MET: variants seen among roughly 807,000 people sequenced by gnomAD.
The protein encoded by MET is hepatocyte growth factor receptor.
In MET, 48 loss-of-function variants were observed where a neutral mutation model predicts 133.1. That is an observed-to-expected ratio of 0.36 (90% confidence interval 0.29 to 0.46). The LOEUF (loss-of-function observed/expected upper bound fraction) is 0.46. Ranked by LOEUF, MET falls within the 20% of genes least tolerant of loss-of-function variation. The pLI, the probability that MET is intolerant of heterozygous loss-of-function variation, is 1.00. For synonymous variants in MET, 628 were observed against 616.5 expected (o/e 1.02, Z -0.28); for missense variants, 1,442 against 1,695.9 (o/e 0.85, Z 2.63).
At position 116,700,292 on chromosome 7, in the gene MET, A is replaced by G. The variant is rs879254331; in HGVS notation, c.1200+8A>G. 1.1e-5 allele frequency: 17 copies of G among 1,600,766 alleles called. No individual in the cohort carries two copies. The highest frequency in any genetic ancestry group is 1.4e-5 in the Non-Finnish European group (17 of 1,178,720). ...GAGCACTGCTTTAATAGGGTAAGTC[A>G]CATCAGTTCCCCACTTATAAACTGT... On this transcript the variant is annotated splice_region_variant and intron_variant, in intron 2 of 20. Coordinates refer to ENST00000397752, the MANE Select transcript of MET (RefSeq NM_000245.4).
At chr7:116,743,904 G>A (rs546264111) in intron 5 of MET, among the ~76,000 whole-genome samples, 1 of 152,306 alleles carries the variant, frequency 6.6e-6, no homozygotes, top group East Asian at 1.9e-4. Context: ...AGGGTCTGGA[G>A]TGGACCTCCA....
intron 2 of MET, among the ~76,000 whole-genome samples, chr7:116,702,898 C>A (rs756396862): frequency 6.6e-6 from 1 of 152,038 alleles, no homozygotes; most frequent in Non-Finnish European, 1.5e-5. Context: ...CAGGGACGGG[C>A]CTTTTACATT....
rs191860708 is a variant in MET at position 116,765,477 on chromosome 7, A to G, written c.2583+2209A>G. On this transcript the variant is annotated intron_variant, in intron 11 of 20. Coordinates refer to ENST00000397752, the MANE Select transcript of MET (RefSeq NM_000245.4). ...CCTGCCCTAGTTGTGAGAGTCCCTC[A>G]ATTCATAGTAAGCCCAGTGACTACA... Among the ~76,000 whole-genome samples the G allele has an allele frequency of 3.6e-4, 55 of 151,980 alleles. No individual in the cohort carries two copies. In the East Asian group the frequency reaches 5.7e-3, roughly 16 times the overall value.
intron 5 of MET, among the ~76,000 whole-genome samples, chr7:116,748,601 A>G (rs1196960071): frequency 6.6e-6 from 1 of 152,224 alleles, no homozygotes; most frequent in Non-Finnish European, 1.5e-5. Context: ...AAAAGCTAAC[A>G]GAAGACAAGA....
At chr7:116,711,612 T>C (rs547143978) in intron 2 of MET, among the ~76,000 whole-genome samples, 79 of 152,246 alleles carry the variant, frequency 5.2e-4, no homozygotes, top group Non-Finnish European at 5.0e-4. Context: ...AATTGTATAT[T>C]ATCATTCCAG....
At position 116,796,600 on chromosome 7, in the gene MET, G is replaced by T; in HGVS notation, c.*476G>T. Reference sequence around the variant, plus strand: ...GTCAATAACATTTTTCATTACTGATGGTGTCATTCACCCATTAGGTAAACA... The same window carrying T: ...GTCAATAACATTTTTCATTACTGATTGTGTCATTCACCCATTAGGTAAACA... On this transcript the variant is annotated 3_prime_UTR_variant, in exon 21 of 21. Coordinates refer to ENST00000397752, the MANE Select transcript of MET (RefSeq NM_000245.4). 2 of 291,540 alleles carry T rather than the reference G, an allele frequency of 6.9e-6. No individual in the cohort carries two copies. Among genetic ancestry groups the T allele is most frequent in the Non-Finnish European group, 1.3e-5 (2 of 153,392 alleles). The allele number at this position is 291,540 out of a possible 1,614,324, so 18.1% of individuals were successfully genotyped here.
chr7:116,747,627 A>T (rs1584930551), intron 5 of MET, among the ~76,000 whole-genome samples: 1 of 152,216 alleles, frequency 6.6e-6, no homozygotes, highest in Non-Finnish European at 1.5e-5. Context: ...TTCGTAAAGC[A>T]AGTCCTTAGA....
At chr7:116,773,559 G>T (rs570860788) in intron 14 of MET, among the ~76,000 whole-genome samples, 82 of 152,318 alleles carry the variant, frequency 5.4e-4, no homozygotes, top group African/African-American at 1.8e-3. Flanking sequence ...TAGAGAGGCT[G>T]ATTGGCATTC....
chr7:116,748,390 A>T (rs1793778108), intron 5 of MET, among the ~76,000 whole-genome samples: 1 of 152,276 alleles, frequency 6.6e-6, no homozygotes. Flanking sequence ...AATGAAATTA[A>T]GGCAGAAATA....
intron 11 of MET, among the ~76,000 whole-genome samples, chr7:116,766,627 TC>T (rs1325441629): frequency 6.6e-6 from 1 of 152,198 alleles, no homozygotes; most frequent in Non-Finnish European, 1.5e-5. Flanking sequence ...GGTTCTTTTT[TC>T]AGAGGTTATT....
At position 116,699,168 on chromosome 7, in the gene MET, G is replaced by A. The variant is rs759602956; in HGVS notation, c.84G>A (p.Glu28=). 3 of 1,613,814 alleles carry A rather than the reference G, an allele frequency of 1.9e-6. No individual in the cohort carries two copies. The highest frequency in any genetic ancestry group is 1.1e-5 in the South Asian group (1 of 91,080). The change falls in exon 2 of 21, where the codon GAG becomes GAA. Residue 28 remains glutamate, a synonymous_variant. Coordinates refer to ENST00000397752, the MANE Select transcript of MET (RefSeq NM_000245.4). ...AGAGGAGCAATGGGGAGTGTAAAGA[G>A]GCACTAGCAAAGTCCGAGATGAATG... is the stretch of plus-strand genomic sequence containing the variant. ...LVQRSNGECK[E]ALAKSEMNVN...
intron 19 of MET, among the ~76,000 whole-genome samples, chr7:116,786,866 C>T (rs1795331352): frequency 6.6e-6 from 1 of 152,152 alleles, no homozygotes; most frequent in Admixed American, 6.5e-5. Context: ...CTGAGTGTGG[C>T]ATGGGAAGCA....
chr7:116,731,811 A>T lies in MET; in HGVS notation c.1344A>T (p.Gly448=), dbSNP rs2116783133. The T allele has an allele frequency of 6.2e-7, 1 of 1,614,142 alleles. No individual in the cohort carries two copies. Among genetic ancestry groups the T allele is most frequent in the Non-Finnish European group, 8.5e-7 (1 of 1,179,982 alleles). Residue 448 remains glycine (G), a synonymous_variant, in exon 3 of 21, where the codon GGA becomes GGT. Transcript: ENST00000397752. The part of the protein sequence containing the change: ...LLTSISTFIK[G]DLTIANLGTS... ...CATCTATATCCACCTTCATTAAAGG[A>T]GACCTCACCATAGCTAATCTTGGGA... is the stretch of plus-strand genomic sequence containing the variant.
intron 6 of MET, among the ~76,000 whole-genome samples, chr7:116,756,358 C>G (rs181075269): frequency 6.6e-6 from 1 of 152,126 alleles, no homozygotes; most frequent in Non-Finnish European, 1.5e-5. Context: ...CCCATTCTAT[C>G]AGGTGGTTAT....
At chr7:116,754,983 GGAAA>G (rs10674901) in intron 5 of MET, among the ~76,000 whole-genome samples, 1,711 of 78,698 alleles carry the variant, frequency 0.022, 23 homozygotes, top group African/African-American at 0.038. Flanking sequence ...AGCAGAGAAA[GGAAA>G]GAAAGAAAGA....
chr7:116,683,868 G>A (rs563595596), intron 1 of MET, among the ~76,000 whole-genome samples: 24 of 152,164 alleles, frequency 1.6e-4, no homozygotes, highest in African/African-American at 5.6e-4. Context: ...ATAAAGGTTA[G>A]ATTCTAGTCT....
At chr7:116,730,835 A>G (rs1179760074) in intron 2 of MET, among the ~76,000 whole-genome samples, 1 of 152,130 alleles carries the variant, frequency 6.6e-6, no homozygotes, top group Non-Finnish European at 1.5e-5. Context: ...GGTCTCTGAG[A>G]CATGTGAATG....
chr7:116,747,908 G>A (rs1793754802), intron 5 of MET, among the ~76,000 whole-genome samples: 1 of 152,186 alleles, frequency 6.6e-6, no homozygotes, highest in Non-Finnish European at 1.5e-5. Context: ...CAAACAAACA[G>A]TCTCTCAGAT....
At chr7:116,754,060 A>C (rs1794031560) in intron 5 of MET, among the ~76,000 whole-genome samples, 1 of 152,166 alleles carries the variant, frequency 6.6e-6, no homozygotes, top group East Asian at 1.9e-4. Flanking sequence ...GCTTGAGCCC[A>C]GGAGTTTGAG....
Sources: gnomAD v4.1 joint callset for allele counts (sites outside exome capture counted in the v4.1 genomes callset) on GRCh38, gnomAD v4.1.1 for gene constraint, MANE v1.5 for transcripts, NCBI Gene and HGNC (gene_info 2026-07-23, HGNC 2026-07-21) for gene names.